The following DHODH variants were observed in gnomAD, a reference collection of about 807,000 sequenced individuals.
DHODH encodes the protein dihydroorotate dehydrogenase (quinone), mitochondrial.
Under a neutral mutation model 39.7 loss-of-function variants are expected in DHODH, and 30 were observed. The observed-to-expected ratio is 0.76, with a 90% CI of 0.57 to 1.02. The LOEUF is 1.02. DHODH is among the 50% of genes least tolerant of loss of function. The pLI is 0.00. For synonymous variants in DHODH, 222 were observed against 213.8 expected, an observed-to-expected ratio of 1.04 and a Z score of -0.34; for missense variants, 531 against 520.8, an observed-to-expected ratio of 1.02 and a Z score of -0.19.
chr16:72,026,668 C>G lies in DHODH; in HGVS notation c.*2469C>G, dbSNP rs371337886. ...TGCTGGGATTACAGGTGCAAGCCAC[C>G]GCGCCTGGCTCGAGAGACTGACATT... On this transcript the variant is annotated 3_prime_UTR_variant, in exon 9 of 9. Coordinates refer to ENST00000219240, the MANE Select transcript of DHODH (RefSeq NM_001361.5). The G allele has an allele frequency of 2.0e-5, 3 of 152,358 alleles. No homozygotes were observed. Among genetic ancestry groups the G allele is most frequent in the Middle Eastern group, 3.4e-3 (1 of 294 alleles). The allele number at this position is 152,358 out of a possible 1,614,324, so 9.4% of individuals were successfully genotyped here. A position where few individuals can be genotyped will look rare whatever the true frequency, so the allele number is the denominator to read the frequency against.
chr16:72,012,429 T>C (rs1378999135), intron 2 of DHODH, among the ~76,000 whole-genome samples, 167 bp downstream of exon 2: 3 of 152,212 alleles, frequency 2.0e-5, no homozygotes, highest in African/African-American at 7.2e-5. Flanking sequence ...TTAGCAACGA[T>C]GATTATCTAT....
At position 72,025,646 on chromosome 16, in the gene DHODH, T is replaced by G. The variant is rs1463907421; in HGVS notation, c.*1447T>G. On this transcript the variant is annotated 3_prime_UTR_variant, in exon 9 of 9. Coordinates refer to ENST00000219240, the MANE Select transcript of DHODH (RefSeq NM_001361.5). Reference sequence around the variant, plus strand: ...AGCTGGGCTGAGGGGCTGGCATGTTTCACATTCTGATAGATAGAGCCAAGT... The same window carrying G: ...AGCTGGGCTGAGGGGCTGGCATGTTGCACATTCTGATAGATAGAGCCAAGT... 1 of 152,362 alleles carries G rather than the reference T, an allele frequency of 6.6e-6. No individual in the cohort carries two copies. The highest frequency in any genetic ancestry group is 1.9e-4 in the East Asian group (1 of 5,186). 9.4% of individuals were successfully genotyped at this position (152,362 alleles called of 1,614,324 possible).
At chr16:72,021,057 G>A (rs1340795493) in intron 4 of DHODH, 67 bp from the exon 5 acceptor site, 37 of 1,501,432 alleles carry the variant, frequency 2.5e-5, no homozygotes, top group Non-Finnish European at 3.3e-5. Flanking sequence ...GTTTGGTCAA[G>A]GGCAGCCTCA....
chr16:72,011,943 T>G, intron 1 of DHODH, 107 bp from the exon 2 acceptor site: 1 of 863,436 alleles, frequency 1.2e-6, no homozygotes, highest in Non-Finnish European at 1.9e-6. Context: ...AGGGCGTCTG[T>G]TTCATGTGAC....
In DHODH at chr16:72,024,147, A is replaced by C. The variant is rs758076804; in HGVS notation, c.1136A>C (p.Glu379Ala). 1.9e-6 allele frequency: 3 copies of C among 1,614,132 alleles called. No individual in the cohort carries two copies. Among genetic ancestry groups the C allele is most frequent in the Non-Finnish European group, 2.5e-6 (3 of 1,180,030 alleles). Residue 379 changes from glutamate to alanine, a missense_variant and splice_region_variant, in exon 9 of 9, where the codon GAG (glutamate) becomes GCG (alanine). Glu to Ala is a moderately radical substitution (Grantham distance 107, BLOSUM62 -1). Coordinates refer to ENST00000219240, the MANE Select transcript of DHODH (RefSeq NM_001361.5). ...VKRELEALLK[E>A]QGFGGVTDAI... ...TGCTTTGTTTGCTCTTTTTCCAGAG[A>C]GCAGGGCTTTGGCGGAGTCACAGAT... is the stretch of plus-strand genomic sequence containing the variant.
At position 72,027,431 on chromosome 16, in the gene DHODH, CA is replaced by C. The variant is rs2041285972; in HGVS notation, c.*3234del. 1.3e-5 allele frequency: 2 copies of C among 152,172 alleles called. No individual in the cohort carries two copies. The highest frequency in any genetic ancestry group is 6.5e-5 in the Admixed American group (1 of 15,272). 9.4% of individuals were successfully genotyped at this position (152,172 alleles called of 1,614,324 possible). On this transcript the variant is annotated 3_prime_UTR_variant, in exon 9 of 9. Transcript: ENST00000219240. The stretch of plus-strand genomic sequence containing the variant: ...CAGGTGTGAGCCACCGCACCCGGCC[CA>C]AGGATACCTATTTTTCTTAATGCTG...
intron 1 of DHODH, among the ~76,000 whole-genome samples, chr16:72,010,166 T>C (rs2041067466): frequency 6.6e-6 from 1 of 152,244 alleles, no homozygotes; most frequent in South Asian, 2.1e-4. Context: ...CCAAGACTCC[T>C]GCTCCTTTCT....
In DHODH at chr16:72,012,783, G is replaced by A. The variant is rs561783764; in HGVS notation, c.234+521G>A. 7.2e-5 allele frequency among the ~76,000 whole-genome samples: 11 copies of A among 152,308 alleles called. 1 individual carries two copies. The highest frequency in any genetic ancestry group is 5.9e-4 in the Admixed American group (9 of 15,304). ...CACTCAGCCACGTGTTCAGCACACG[G>A]GCCCTCTCCATATGCTTGAAATCTT... On this transcript the variant is annotated intron_variant, in intron 2 of 8. Coordinates refer to ENST00000219240, the MANE Select transcript of DHODH (RefSeq NM_001361.5).
At chr16:72,009,104 A>G (rs2041052870) in intron 1 of DHODH, 3 of 1,304,058 alleles carry the variant, frequency 2.3e-6, no homozygotes, top group Non-Finnish European at 2.9e-6. Context: ...GCCGGATCCA[A>G]CGGGGAATGA....
At chr16:72,010,250 T>A (rs541619931) in intron 1 of DHODH, among the ~76,000 whole-genome samples, 1 of 152,346 alleles carries the variant, frequency 6.6e-6, no homozygotes, top group Admixed American at 6.5e-5. Flanking sequence ...TCTCTTCTGC[T>A]ACTGAGAGAG....
chr16:72,020,359 ATATATATATATAT>A (rs2041196696), intron 4 of DHODH: 9 of 69,078 alleles, frequency 1.3e-4, no homozygotes, highest in Non-Finnish European at 2.2e-4. Flanking sequence ...ATATATGTGT[ATATATATATATAT>A]TTTTTTTTTT....
chr16:72,016,760 G>C (rs556067997), intron 3 of DHODH: 1 of 444,430 alleles, frequency 2.3e-6, no homozygotes, highest in Non-Finnish European at 4.2e-6. Context: ...AAGGAGTGGG[G>C]ATCCAGCAGG....
Position 72,008,793 on chromosome 16 carries a change from C to G in DHODH, c.21+8C>G, listed in dbSNP as rs775336922. The G allele has an allele frequency of 6.4e-7, 1 of 1,551,990 alleles. No homozygotes were observed. Among genetic ancestry groups the G allele is most frequent in the Non-Finnish European group, 8.7e-7 (1 of 1,147,182 alleles). On this transcript the variant is annotated splice_region_variant and intron_variant, in intron 1 of 8. Coordinates refer to ENST00000219240, the MANE Select transcript of DHODH (RefSeq NM_001361.5). ...GCGTGGAGACACCTGAAAGTGAGTC[C>G]CGCGAGTGAGCAGTGTGGATGGGGG...
intron 2 of DHODH, chr16:72,014,272 C>A: frequency 1.7e-6 from 1 of 601,560 alleles, no homozygotes; most frequent in South Asian, 2.0e-5. Flanking sequence ...TGTCACAGTC[C>A]CCTGGAGAGC....
chr16:72,024,220 C>G lies in DHODH; in HGVS notation c.*21C>G, dbSNP rs2041255751. On this transcript the variant is annotated 3_prime_UTR_variant, in exon 9 of 9. Coordinates refer to ENST00000219240, the MANE Select transcript of DHODH (RefSeq NM_001361.5). Reference sequence around the variant, plus strand: ...GGTGAGGACAGCGTCTGACGGGAAGCCTGATCTGGAACCTTCCCAAGGACT... The same window carrying G: ...GGTGAGGACAGCGTCTGACGGGAAGGCTGATCTGGAACCTTCCCAAGGACT... 3.1e-6 allele frequency: 5 copies of G among 1,613,760 alleles called. No individual in the cohort carries two copies. The highest frequency in any genetic ancestry group is 4.2e-6 in the Non-Finnish European group (5 of 1,179,742).
chr16:72,017,002 CCCGTGT>C lies in DHODH; in HGVS notation c.435-21_435-16del, dbSNP rs771567121. The C allele has an allele frequency of 1.2e-5, 20 of 1,612,208 alleles. No homozygotes were observed. In the South Asian group the frequency reaches 2.2e-4, roughly 18 times the overall value. ...TATGGTGCCGTCTCACTCTGCCCCT[CCCGTGT>C]GCTTGTGCTCTGCAGGTATGGATTT... On this transcript the variant is annotated splice_polypyrimidine_tract_variant and intron_variant, in intron 3 of 8. Transcript: ENST00000219240.
rs1043263159 is a variant in DHODH at position 72,014,353 on chromosome 16, C to T, written c.235-120C>T. 5.0e-6 allele frequency: 5 copies of T among 1,000,310 alleles called. No homozygotes were observed. The African/African-American group carries it at 6.3e-5, about 13-fold the overall frequency. The allele number at this position is 1,000,310 out of a possible 1,614,324, so 62.0% of individuals were successfully genotyped here. On this transcript the variant is annotated intron_variant, in intron 2 of 8. Coordinates refer to ENST00000219240, the MANE Select transcript of DHODH (RefSeq NM_001361.5). ...AAGATTTTGACCTTGGGGGTGGGCCCTGGGATCTGAGGTTTCACAAGCTTC... is the reference window on the plus strand; with the variant it reads ...AAGATTTTGACCTTGGGGGTGGGCCTTGGGATCTGAGGTTTCACAAGCTTC...
chr16:72,014,035 T>C (rs1349713969), intron 2 of DHODH, among the ~76,000 whole-genome samples: 1 of 152,114 alleles, frequency 6.6e-6, no homozygotes, highest in Non-Finnish European at 1.5e-5. Context: ...ATTAAGCTGA[T>C]TAAAGGGTTT....
chr16:72,024,295 C>A lies in DHODH; in HGVS notation c.*96C>A. ...ATGAGAGGAGGGACTCCATCTTGAG[C>A]CATGTCCCCCAGCCATGGCATGGCT... On this transcript the variant is annotated 3_prime_UTR_variant, in exon 9 of 9. Coordinates refer to ENST00000219240, the MANE Select transcript of DHODH (RefSeq NM_001361.5). The A allele has an allele frequency of 7.4e-7, 1 of 1,354,990 alleles. No individual in the cohort carries two copies. Among genetic ancestry groups the A allele is most frequent in the Non-Finnish European group, 1.1e-6 (1 of 951,688 alleles). 83.9% of individuals were successfully genotyped at this position (1,354,990 alleles called of 1,614,324 possible).
Sources: allele counts gnomAD v4.1 joint callset (sites outside exome capture counted in the v4.1 genomes callset), GRCh38; gene constraint gnomAD v4.1.1; transcripts MANE v1.5; gene names NCBI Gene and HGNC (gene_info 2026-07-23, HGNC 2026-07-21).